TTC28: variants seen among roughly 807,000 people sequenced by gnomAD.
TTC28 encodes tetratricopeptide repeat protein 28.
In TTC28, 61 loss-of-function variants were observed where a neutral mutation model predicts 198.0. That is an observed-to-expected ratio of 0.31 (90% CI 0.25 to 0.38). The LOEUF is 0.38. Ranked by LOEUF, TTC28 falls within the 10% of genes least tolerant of loss-of-function variation. The pLI, the probability that TTC28 is intolerant of heterozygous loss-of-function variation, is 1.00. For synonymous variants in TTC28, 1,171 were observed against 1,297.8 expected (o/e 0.90, Z 2.10); for missense variants, 2,678 against 3,164.0 (o/e 0.85, Z 3.69).
Position 28,107,665 on chromosome 22 carries a change from T to A in TTC28, c.2180A>T (p.Lys727Ile), listed in dbSNP as rs750400522. 6.4e-7 allele frequency: 1 copy of A among 1,551,764 alleles called. No individual in the cohort carries two copies. The highest frequency in any genetic ancestry group is 8.7e-7 in the Non-Finnish European group (1 of 1,146,998). Residue 727 changes from lysine to isoleucine, a missense_variant, in exon 7 of 23, where the codon AAA (lysine) becomes ATA (isoleucine). Around this residue, in one of 8 missense-constraint regions of TTC28, gnomAD observed 775 missense variants for 845.9 expected, o/e 0.92. Transcript: ENST00000397906. ...LGNLGDIFICKKDINGAIKFY... is the reference protein window; with the variant it reads ...LGNLGDIFICIKDINGAIKFY... ...TTTTATTGCACCATTTATATCTTTTTTACAGATGAATATATCGCCCAGGTT... is the reference window on the plus strand; with the variant it reads ...TTTTATTGCACCATTTATATCTTTTATACAGATGAATATATCGCCCAGGTT...
intron 15 of TTC28, chr22:28,000,850 C>T (rs1937655447): frequency 6.5e-6 from 1 of 153,434 alleles, no homozygotes; most frequent in South Asian, 2.0e-4. Flanking sequence ...CTGAATGAGA[C>T]CTGAGTCCTT....
intron 2 of TTC28, among the ~76,000 whole-genome samples, chr22:28,478,101 A>G (rs5762654): frequency 0.27 from 41,208 of 152,144 alleles, 6,980 homozygotes; most frequent in Middle Eastern, 0.4. Context: ...GCGACAACAG[A>G]CAACATAAAG....
chr22:28,232,361 A>G (rs984527745), intron 5 of TTC28, among the ~76,000 whole-genome samples: 1 of 152,238 alleles, frequency 6.6e-6, no homozygotes, highest in African/African-American at 2.4e-5. Flanking sequence ...AGAATGCAAA[A>G]AAAAGAGGCC....
At chr22:28,044,052 C>G (rs1417499815) in intron 12 of TTC28, among the ~76,000 whole-genome samples, 1 of 152,212 alleles carries the variant, frequency 6.6e-6, no homozygotes, top group African/African-American at 2.4e-5. Flanking sequence ...TAGGGGCTAG[C>G]AGTGGGGGCC....
intron 5 of TTC28, among the ~76,000 whole-genome samples, chr22:28,264,970 A>G (rs1376344658): frequency 6.6e-6 from 1 of 152,150 alleles, no homozygotes; most frequent in Non-Finnish European, 1.5e-5. Flanking sequence ...TATGTTTTCA[A>G]CCTCTAAAAA....
chr22:28,119,572 G>C (rs1337869379), intron 6 of TTC28, among the ~76,000 whole-genome samples: 1 of 152,216 alleles, frequency 6.6e-6, no homozygotes, highest in African/African-American at 2.4e-5. Context: ...TGCCCTTACA[G>C]GGCCTTTGCA....
Position 28,376,189 on chromosome 22 carries a change from A to G in TTC28, c.382-69546T>C, listed in dbSNP as rs1295288275. On this transcript the variant is annotated intron_variant, in intron 2 of 22. Coordinates refer to ENST00000397906, the MANE Select transcript of TTC28 (RefSeq NM_001145418.2). ...ACTATTGGTTGTGTCTCCCTGGAGA[A>G]CCCTAATATAAATCAGAGACAGTGA... 3.3e-5 allele frequency among the ~76,000 whole-genome samples: 5 copies of G among 152,152 alleles called. No individual in the cohort carries two copies. The East Asian group carries it at 9.7e-4, about 29-fold the overall frequency.
At chr22:28,151,996 C>T (rs1197409610) in intron 6 of TTC28, among the ~76,000 whole-genome samples, 1 of 152,134 alleles carries the variant, frequency 6.6e-6, no homozygotes, top group Non-Finnish European at 1.5e-5. Flanking sequence ...GTGTGGGGCT[C>T]AGAGGGGGCC....
intron 1 of TTC28, among the ~76,000 whole-genome samples, chr22:28,662,083 A>G (rs966192588): frequency 1.3e-5 from 2 of 152,214 alleles, no homozygotes; most frequent in African/African-American, 4.8e-5. Context: ...CACTGCTCAC[A>G]TTGTAATTAA....
intron 6 of TTC28, among the ~76,000 whole-genome samples, chr22:28,126,170 A>G (rs1942909000): frequency 1.3e-5 from 2 of 152,226 alleles, no homozygotes; most frequent in African/African-American, 4.8e-5. Context: ...GCAGCATTAC[A>G]TGGTTTCTCC....
chr22:28,606,290 C>T (rs9625510), intron 2 of TTC28, among the ~76,000 whole-genome samples: 15,010 of 151,802 alleles, frequency 0.099, 842 homozygotes, highest in African/African-American at 0.12. Flanking sequence ...GGGGTTTCAC[C>T]ATGTTGGCTG....
At chr22:28,660,366 C>T (rs2051722817) in intron 1 of TTC28, among the ~76,000 whole-genome samples, 1 of 152,176 alleles carries the variant, frequency 6.6e-6, no homozygotes, top group Non-Finnish European at 1.5e-5. Flanking sequence ...CGCTCTGTTG[C>T]CCAGACTGGA....
At chr22:28,291,744 C>T (rs1569242718) in intron 5 of TTC28, among the ~76,000 whole-genome samples, 3 of 152,068 alleles carry the variant, frequency 2.0e-5, no homozygotes, top group African/African-American at 7.2e-5. Context: ...GATTTACCTA[C>T]AAGGATATTT....
intron 5 of TTC28, among the ~76,000 whole-genome samples, chr22:28,284,747 G>C (rs2044648460): frequency 2.0e-5 from 3 of 152,234 alleles, no homozygotes; most frequent in Admixed American, 1.3e-4. Context: ...ATGAAAAAGT[G>C]TTAAAACATC....
At chr22:28,520,352 CCT>C (rs758023778) in intron 2 of TTC28, among the ~76,000 whole-genome samples, 14 of 152,144 alleles carry the variant, frequency 9.2e-5, no homozygotes, top group African/African-American at 2.2e-4. Context: ...AAAACTGTCC[CCT>C]CTTACAGTGA....
chr22:28,185,463 C>G (rs529176345), intron 5 of TTC28, among the ~76,000 whole-genome samples: 1 of 152,020 alleles, frequency 6.6e-6, no homozygotes, highest in Non-Finnish European at 1.5e-5. Flanking sequence ...AAAATTAATA[C>G]AACACAAATT....
intron 2 of TTC28, among the ~76,000 whole-genome samples, chr22:28,488,867 A>C (rs943680919): frequency 2.0e-5 from 3 of 152,228 alleles, no homozygotes; most frequent in African/African-American, 7.2e-5. Context: ...AAATCACTAA[A>C]CCATGTAAGG....
intron 2 of TTC28, among the ~76,000 whole-genome samples, chr22:28,595,286 G>A (rs191340131): frequency 7.9e-5 from 12 of 152,200 alleles, no homozygotes; most frequent in African/African-American, 2.9e-4. Context: ...AAATGGCAAG[G>A]TTAAGTAAAG....
chr22:28,480,070 C>T (rs1009257910), intron 2 of TTC28, among the ~76,000 whole-genome samples: 1 of 152,240 alleles, frequency 6.6e-6, no homozygotes, highest in Middle Eastern at 3.4e-3. Flanking sequence ...TGAGGCAAAG[C>T]CAAATGGGGG....
Sources: allele counts gnomAD v4.1 joint callset (sites outside exome capture counted in the v4.1 genomes callset), GRCh38; gene constraint gnomAD v4.1.1; regional missense constraint gnomAD v4.1.1; transcripts MANE v1.5; gene names NCBI Gene and HGNC (gene_info 2026-07-23, HGNC 2026-07-21).